The following DCBLD1 variants were observed in gnomAD, a reference collection of about 807,000 sequenced individuals.
The protein encoded by DCBLD1 is discoidin, CUB and LCCL domain containing 1, also known as discoidin, CUB and LCCL domain-containing protein 1.
A neutral mutation model predicts 71.5 loss-of-function variants in DCBLD1; 57 were observed. The ratio of observed to expected loss-of-function variants is 0.80; its 90% CI spans 0.64 to 0.99. The LOEUF (loss-of-function observed/expected upper bound fraction) is 0.99, where lower values mean the gene tolerates loss of function less well. Among genes scored for constraint, DCBLD1 ranks in the 50% least tolerant of loss-of-function variants. DCBLD1 has a pLI of 0.00. For synonymous variants in DCBLD1, 380 were observed against 363.8 expected, an observed-to-expected ratio of 1.04 and a Z score of -0.51; for missense variants, 891 against 923.5, an observed-to-expected ratio of 0.96 and a Z score of 0.46.
intron 2 of DCBLD1, among the ~76,000 whole-genome samples, chr6:117,510,933 A>G (rs892019864): frequency 7.7e-4 from 117 of 152,144 alleles, no homozygotes; most frequent in African/African-American, 2.7e-3. Flanking sequence ...ACCTCATTTA[A>G]CCCTTATAAC....
At chr6:117,532,878 A>T (rs1430665683) in intron 6 of DCBLD1, among the ~76,000 whole-genome samples, 1 of 152,166 alleles carries the variant, frequency 6.6e-6, no homozygotes, top group Non-Finnish European at 1.5e-5. Flanking sequence ...TGTTAACGTT[A>T]TATTCTTCGT....
chr6:117,482,995 G>A (rs934937326), intron 1 of DCBLD1, 102 bp downstream of exon 1: 3 of 1,006,624 alleles, frequency 3.0e-6, no homozygotes, highest in Non-Finnish European at 3.6e-6. Flanking sequence ...GGGGCGGGCC[G>A]GGCCTGGGGG....
At chr6:117,547,734 T>A (rs1779316737) in intron 14 of DCBLD1, 173 bp from the exon 15 acceptor site, 2 of 1,400,662 alleles carry the variant, frequency 1.4e-6, no homozygotes, top group Non-Finnish European at 2.0e-6. Flanking sequence ...GTGTACTGCC[T>A]GCGGGTGGCT....
At chr6:117,506,006 A>G (rs1026429076) in intron 2 of DCBLD1, among the ~76,000 whole-genome samples, 3 of 152,150 alleles carry the variant, frequency 2.0e-5, no homozygotes, top group Non-Finnish European at 4.4e-5. Context: ...TTTCTCCTTG[A>G]ATTTTTTTCT....
intron 14 of DCBLD1, among the ~76,000 whole-genome samples, chr6:117,554,896 A>G (rs1184135985): frequency 1.3e-5 from 2 of 152,100 alleles, no homozygotes; most frequent in African/African-American, 4.8e-5. Context: ...AGTTGCAAAA[A>G]AAAAAAAAAA....
chr6:117,520,729 A>C (rs991017037), intron 3 of DCBLD1, among the ~76,000 whole-genome samples: 1 of 152,214 alleles, frequency 6.6e-6, no homozygotes, highest in Non-Finnish European at 1.5e-5. Flanking sequence ...TGTGCAGCCC[A>C]TACCAAATCT....
chr6:117,559,429 T>TAA (rs1227207608), intron 14 of DCBLD1, among the ~76,000 whole-genome samples: 1 of 152,200 alleles, frequency 6.6e-6, no homozygotes. Context: ...GTGCTCCAGC[T>TAA]AAAGTTGAGG....
At chr6:117,489,611 GCCGTGGCTCATGCCTGTAAT>G (rs1171082754) in intron 1 of DCBLD1, among the ~76,000 whole-genome samples, 1 of 152,140 alleles carries the variant, frequency 6.6e-6, no homozygotes, top group Non-Finnish European at 1.5e-5. Context: ...GAGGCCGGGC[GCCGTGGCTCATGCCTGTAAT>G]CCCAGCACTT....
intron 6 of DCBLD1, among the ~76,000 whole-genome samples, chr6:117,534,020 A>G (rs908360429): frequency 6.6e-6 from 1 of 152,254 alleles, no homozygotes; most frequent in Non-Finnish European, 1.5e-5. Context: ...GCACTTGGAC[A>G]TGCAGGCTTA....
intron 12 of DCBLD1, 80 bp downstream of exon 12, chr6:117,543,291 G>A (rs967536829): frequency 1.7e-6 from 2 of 1,184,768 alleles, no homozygotes; most frequent in Admixed American, 1.7e-5. Flanking sequence ...CTTCAGAAAT[G>A]CATATGTACA....
intron 7 of DCBLD1, among the ~76,000 whole-genome samples, chr6:117,537,837 G>A (rs1328112739): frequency 6.6e-6 from 1 of 151,216 alleles, no homozygotes; most frequent in Admixed American, 6.6e-5. Flanking sequence ...CAGAAAATAT[G>A]TTTCTTTATA....
chr6:117,509,910 C>T (rs1315894371), intron 2 of DCBLD1, among the ~76,000 whole-genome samples: 1 of 152,172 alleles, frequency 6.6e-6, no homozygotes, highest in Non-Finnish European at 1.5e-5. Flanking sequence ...CTCCAAGCCA[C>T]AGTATATTCA....
chr6:117,566,641 T>TA (rs1779702955), intron 14 of DCBLD1, among the ~76,000 whole-genome samples: 1 of 152,188 alleles, frequency 6.6e-6, no homozygotes, highest in Admixed American at 6.5e-5. Flanking sequence ...ACTGGTAATG[T>TA]ACTTGTCTTA....
rs905209148 is a variant in DCBLD1 at position 117,537,205 on chromosome 6, G to A, written c.740G>A (p.Arg247Gln). ...LSRDGSLSDK[R>Q]FLFTSNGCSR... ...TTCAGTGGTTCCCTGTCAGACAAGC[G>A]ATTTCTGTTTACCTCCAATGGTAAG... The change falls in exon 7 of 15, where the codon CGA becomes CAA. Residue 247 changes from arginine to glutamine, a missense_variant. Coordinates refer to ENST00000338728, the MANE Select transcript of DCBLD1 (RefSeq NM_001366458.2). The A allele has an allele frequency of 5.6e-6, 9 of 1,613,770 alleles. No individual in the cohort carries two copies. Among genetic ancestry groups the A allele is most frequent in the Non-Finnish European group, 6.8e-6 (8 of 1,179,936 alleles).
At chr6:117,566,854 C>A (rs965995954) in intron 14 of DCBLD1, 14 of 1,539,310 alleles carry the variant, frequency 9.1e-6, no homozygotes, top group African/African-American at 1.4e-5. Context: ...TGATTTTTAC[C>A]TTGTAATACT....
intron 2 of DCBLD1, among the ~76,000 whole-genome samples, chr6:117,517,458 C>T (rs1334059238): frequency 6.6e-6 from 1 of 152,212 alleles, no homozygotes; most frequent in Non-Finnish European, 1.5e-5. Context: ...AATGGATCTA[C>T]CATTCTGGGG....
chr6:117,537,270 C>T (rs375834829), intron 7 of DCBLD1, 45 bp downstream of exon 7: 5 of 1,592,760 alleles, frequency 3.1e-6, no homozygotes, highest in African/African-American at 1.3e-5. Context: ...TTCGGTGGCT[C>T]ACGCCTATAA....
intron 1 of DCBLD1, among the ~76,000 whole-genome samples, 194 bp downstream of exon 1, chr6:117,483,087 G>A (rs1450248619): frequency 6.6e-6 from 1 of 152,096 alleles, no homozygotes; most frequent in Non-Finnish European, 1.5e-5. Flanking sequence ...GGTGAAGTAG[G>A]TTACTGCATT....
At chr6:117,494,383 C>T (rs902412066) in intron 1 of DCBLD1, among the ~76,000 whole-genome samples, 4 of 152,098 alleles carry the variant, frequency 2.6e-5, no homozygotes, top group Non-Finnish European at 5.9e-5. Context: ...TAACATGAAA[C>T]CAAGGTGAGA....
Sources: allele counts gnomAD v4.1 joint callset (sites outside exome capture counted in the v4.1 genomes callset), GRCh38; gene constraint gnomAD v4.1.1; transcripts MANE v1.5; gene names NCBI Gene and HGNC (gene_info 2026-07-23, HGNC 2026-07-21).